The following HYAL4 variants were observed in gnomAD, a reference collection of about 807,000 sequenced individuals.
HYAL4 encodes hyaluronidase-4.
A neutral mutation model predicts 35.2 loss-of-function variants in HYAL4; 37 were observed. The ratio of observed to expected loss-of-function variants is 1.05; its 90% CI spans 0.81 to 1.38. The LOEUF is 1.38. Ranked by LOEUF, HYAL4 falls within the 40% of genes most tolerant of loss-of-function variation. The probability of loss-of-function intolerance (pLI) is 0.00; values close to 1 mark genes in which losing one functional copy is unlikely to be tolerated. For synonymous variants in HYAL4, 198 were observed against 203.2 expected (o/e 0.97, Z 0.22); for missense variants, 572 against 572.4 (o/e 1.00, Z 0.01).
intron 2 of HYAL4, among the ~76,000 whole-genome samples, chr7:123,864,342 C>T (rs192385549): frequency 3.3e-5 from 5 of 152,226 alleles, no homozygotes; most frequent in Admixed American, 2.0e-4. Flanking sequence ...CCAGAACAGA[C>T]CTTACTTCTA....
rs1562993130 is a variant in HYAL4, at chr7:123,839,778, A to G, written c.-256-4467A>G. ...TCATGTGTCTGATGGCTGCATAGAT[A>G]TCTTCTTTTGTGAAGTGTCTGTTCA... On this transcript the variant is annotated intron_variant, in intron 1 of 4. Transcript: ENST00000489978. Among the ~76,000 whole-genome samples the G allele has an allele frequency of 2.0e-5, 3 of 152,082 alleles. No individual in the cohort carries two copies. In the East Asian group the frequency reaches 5.8e-4, roughly 29 times the overall value.
the HYAL4 span, among the ~76,000 whole-genome samples, chr7:123,816,183 A>G: frequency 0.13 from 19,649 of 152,148 alleles, 1,340 homozygotes; most frequent in Non-Finnish European, 0.14. Context: ...GAAAGTTTTT[A>G]AGTATATTTA....
chr7:123,812,960 A>G, the HYAL4 span, among the ~76,000 whole-genome samples: 28 of 152,232 alleles, frequency 1.8e-4, no homozygotes, highest in Admixed American at 1.3e-3. Context: ...ATAATATCCA[A>G]TTTATTTAAA....
In HYAL4 at chr7:123,868,969, C is replaced by T; in HGVS notation, c.696C>T (p.Asn232=). The T allele has an allele frequency of 1.9e-6, 3 of 1,613,888 alleles. No individual in the cohort carries two copies. The South Asian group carries it at 3.3e-5, about 18-fold the overall frequency. ...DCHNYNVYAP[N]YSGSCPEDEV... is the part of the protein sequence containing the mutation. ...ACAATTATAACGTTTATGCCCCAAA[C>T]TACTCTGGGTCATGCCCAGAAGACG... Residue 232 remains asparagine (N), a synonymous_variant, in exon 3 of 5, where the codon AAC becomes AAT. Coordinates refer to ENST00000223026, the MANE Select transcript of HYAL4 (RefSeq NM_012269.3).
the HYAL4 span, among the ~76,000 whole-genome samples, chr7:123,804,223 G>A: frequency 1.3e-5 from 2 of 152,168 alleles, no homozygotes; most frequent in African/African-American, 4.8e-5. Flanking sequence ...TATATGGTGA[G>A]TGTGGTTATG....
At chr7:123,795,627 GTTTGC>G in the HYAL4 span, among the ~76,000 whole-genome samples, 1 of 152,282 alleles carries the variant, frequency 6.6e-6, no homozygotes, top group South Asian at 2.1e-4. Flanking sequence ...AGAAGGATGT[GTTTGC>G]TTCCCCTTCT....
At chr7:123,843,981 T>G (rs1239644544), upstream of HYAL4, among the ~76,000 whole-genome samples, 3 of 152,078 alleles carry the variant, frequency 2.0e-5, no homozygotes. Flanking sequence ...TTACTGACCT[T>G]CTGAAACCTA....
At chr7:123,781,491 G>A in the HYAL4 span, among the ~76,000 whole-genome samples, 3 of 145,016 alleles carry the variant, frequency 2.1e-5, no homozygotes, top group Non-Finnish European at 3.0e-5. Context: ...CTGGTTCCCC[G>A]GTTCCCCTTA....
upstream of HYAL4, among the ~76,000 whole-genome samples, chr7:123,844,533 C>CG (rs1319763994): frequency 6.6e-6 from 1 of 152,178 alleles, no homozygotes; most frequent in Non-Finnish European, 1.5e-5. Context: ...AGAGCTCAAA[C>CG]GCGGTGCTGG....
At position 123,868,607 on chromosome 7, in the gene HYAL4, C is replaced by G. The variant is rs754807142; in HGVS notation, c.334C>G (p.Leu112Val). 1.2e-6 allele frequency: 2 copies of G among 1,614,124 alleles called. No homozygotes were observed. The highest frequency in any genetic ancestry group is 1.7e-6 in the Non-Finnish European group (2 of 1,179,984). ...ACAAGGGGTCCCCATTAATGGAGGT[C>G]TCCCACAGAACATAAGTTTACAAGT... ...TSQGVPINGG[L>V]PQNISLQVHL... is the part of the protein sequence containing the mutation. Residue 112 changes from leucine to valine, a missense_variant, in exon 3 of 5, where the codon CTC becomes GTC. By Grantham distance (32) the Leu-to-Val change is conservative. Transcript: ENST00000223026.
chr7:123,869,277 A>G (rs778621456), intron 3 of HYAL4, 50 bp downstream of exon 3: 70 of 1,209,516 alleles, frequency 5.8e-5, no homozygotes, highest in Non-Finnish European at 8.0e-5. Context: ...TATCTCTAAA[A>G]GGACATTTCT....
chr7:123,843,129 G>C (rs1007322479), upstream of HYAL4, among the ~76,000 whole-genome samples: 2 of 151,986 alleles, frequency 1.3e-5, no homozygotes, highest in African/African-American at 4.8e-5. Flanking sequence ...TTTTGCAGTG[G>C]CTGGTGCCGG....
At chr7:123,814,780 T>C in the HYAL4 span, 1 of 145,432 alleles carries the variant, frequency 6.9e-6, no homozygotes, top group Non-Finnish European at 1.5e-5. Context: ...GCTACAATTA[T>C]GATTACAGAA....
At chr7:123,782,040 TA>T in the HYAL4 span, among the ~76,000 whole-genome samples, 7 of 151,462 alleles carry the variant, frequency 4.6e-5, no homozygotes, top group Non-Finnish European at 1.0e-4. Context: ...CCTGAGTAGT[TA>T]AGACTATAGG....
the HYAL4 span, among the ~76,000 whole-genome samples, chr7:123,818,536 T>C: frequency 6.6e-6 from 1 of 152,210 alleles, no homozygotes; most frequent in Non-Finnish European, 1.5e-5. Flanking sequence ...GCTACTAATA[T>C]AAAAATTATT....
chr7:123,802,128 T>A, the HYAL4 span, among the ~76,000 whole-genome samples: 21 of 152,214 alleles, frequency 1.4e-4, no homozygotes, highest in Non-Finnish European at 4.4e-5. Flanking sequence ...ACCAATGTAA[T>A]GCCTGATGCT....
the HYAL4 span, among the ~76,000 whole-genome samples, chr7:123,789,539 A>T: frequency 6.6e-6 from 1 of 152,336 alleles, no homozygotes; most frequent in East Asian, 1.9e-4. Flanking sequence ...TGCATATTTC[A>T]TTGAAATAAT....
upstream of HYAL4, among the ~76,000 whole-genome samples, chr7:123,825,428 G>A (rs919602936): frequency 5.9e-5 from 9 of 152,024 alleles, no homozygotes; most frequent in African/African-American, 2.2e-4. Flanking sequence ...AATAATTAAG[G>A]TTGATATAAT....
At chr7:123,787,998 C>G in the HYAL4 span, among the ~76,000 whole-genome samples, 1 of 152,084 alleles carries the variant, frequency 6.6e-6, no homozygotes, top group Non-Finnish European at 1.5e-5. Context: ...CGGCACTCAA[C>G]ATAGTACATG....
Sources: gnomAD v4.1 joint callset for allele counts (sites outside exome capture counted in the v4.1 genomes callset) on GRCh38, gnomAD v4.1.1 for gene constraint, MANE v1.5 for transcripts, NCBI Gene and HGNC (gene_info 2026-07-23, HGNC 2026-07-21) for gene names.